The following ZCCHC7 variants were observed in gnomAD, a reference collection of about 807,000 sequenced individuals.
The protein encoded by ZCCHC7 is zinc finger CCHC domain-containing protein 7.
Under a neutral mutation model 52.0 loss-of-function variants are expected in ZCCHC7, and 35 were observed. The observed-to-expected ratio is 0.67, with a 90% CI of 0.51 to 0.89. The LOEUF is 0.89. Among genes scored for constraint, ZCCHC7 ranks in the 40% least tolerant of loss-of-function variants. The probability of loss-of-function intolerance (pLI) is 0.00; values close to 1 mark genes in which losing one functional copy is unlikely to be tolerated. For missense variants in ZCCHC7, 574 were observed against 649.1 expected (o/e 0.88, Z 1.26); for synonymous variants, 217 against 221.5 (o/e 0.98, Z 0.18).
intron 2 of ZCCHC7, among the ~76,000 whole-genome samples, chr9:37,237,445 C>G (rs1055500219): frequency 1.3e-5 from 2 of 152,184 alleles, no homozygotes; most frequent in Non-Finnish European, 2.9e-5. Context: ...GTTCTCCTTC[C>G]TTTCCTCCAT....
intron 2 of ZCCHC7, among the ~76,000 whole-genome samples, chr9:37,157,261 A>T (rs1356735290): frequency 6.6e-6 from 1 of 151,164 alleles, no homozygotes; most frequent in African/African-American, 2.4e-5. Context: ...ACATGGGAAG[A>T]TAAGGAGGGA....
intron 2 of ZCCHC7, among the ~76,000 whole-genome samples, chr9:37,196,862 T>C (rs1032261175): frequency 3.3e-5 from 5 of 152,146 alleles, no homozygotes; most frequent in African/African-American, 1.2e-4. Flanking sequence ...GCCTTCTCAG[T>C]AGAAATTAAA....
chr9:37,133,352 A>AT (rs1473223243), intron 2 of ZCCHC7, among the ~76,000 whole-genome samples: 1 of 149,760 alleles, frequency 6.7e-6, no homozygotes, highest in Non-Finnish European at 1.5e-5. Context: ...TAGACATGCA[A>AT]TTTTTTTTGG....
chr9:37,169,162 G>T (rs1821592873), intron 2 of ZCCHC7, among the ~76,000 whole-genome samples: 1 of 152,076 alleles, frequency 6.6e-6, no homozygotes, highest in Non-Finnish European at 1.5e-5. Flanking sequence ...AAAATACAGG[G>T]GTCATAGTCA....
chr9:37,274,220 A>G (rs372432224), intron 2 of ZCCHC7, among the ~76,000 whole-genome samples: 5 of 149,752 alleles, frequency 3.3e-5, no homozygotes, highest in African/African-American at 1.2e-4. Context: ...GTATATTTGA[A>G]TATGCATATA....
intron 2 of ZCCHC7, among the ~76,000 whole-genome samples, chr9:37,201,412 C>G (rs1192490143): frequency 6.6e-6 from 1 of 152,148 alleles, no homozygotes; most frequent in Admixed American, 6.5e-5. Context: ...TTTTCCATAT[C>G]TGAAGAACAG....
At chr9:37,177,016 AG>A (rs1364109901) in intron 2 of ZCCHC7, among the ~76,000 whole-genome samples, 1 of 152,180 alleles carries the variant, frequency 6.6e-6, no homozygotes, top group African/African-American at 2.4e-5. Context: ...GACAACAGAA[AG>A]TTGAGAGCTT....
intron 2 of ZCCHC7, among the ~76,000 whole-genome samples, chr9:37,132,344 T>G (rs1021509098): frequency 1.3e-5 from 2 of 152,204 alleles, no homozygotes; most frequent in African/African-American, 4.8e-5. Flanking sequence ...TAGCTCTTTC[T>G]TGTACTTTTT....
At chr9:37,138,682 C>T (rs1843095871) in intron 2 of ZCCHC7, among the ~76,000 whole-genome samples, 1 of 150,618 alleles carries the variant, frequency 6.6e-6, no homozygotes, top group Non-Finnish European at 1.5e-5. Context: ...TGTCACTCAC[C>T]TTATCTACAG....
intron 1 of ZCCHC7, among the ~76,000 whole-genome samples, chr9:37,122,714 C>T (rs1051836079): frequency 8.5e-5 from 13 of 152,166 alleles, no homozygotes; most frequent in Non-Finnish European, 1.8e-4. Context: ...CCGAGTGGGG[C>T]GGATCACGAG....
At position 37,345,017 on chromosome 9, in the gene ZCCHC7, T is replaced by C. The variant is rs74321674; in HGVS notation, c.988-4340T>C. Among the ~76,000 whole-genome samples the C allele has an allele frequency of 5.3e-3, 813 of 152,344 alleles. 7 individuals are homozygous for C. Among genetic ancestry groups the C allele is most frequent in the African/African-American group, 0.016 (671 of 41,584 alleles). On this transcript the variant is annotated intron_variant, in intron 6 of 8. Coordinates refer to ENST00000336755, the MANE Select transcript of ZCCHC7 (RefSeq NM_032226.3). ...CCTAGTTTCTAGGAAAAGTGACCTATGTTCTGTTCTTCAGCAGCTTTCTAC... is the reference window on the plus strand; with the variant it reads ...CCTAGTTTCTAGGAAAAGTGACCTACGTTCTGTTCTTCAGCAGCTTTCTAC...
chr9:37,196,100 A>C (rs1358514647), intron 2 of ZCCHC7, among the ~76,000 whole-genome samples: 1 of 152,226 alleles, frequency 6.6e-6, no homozygotes, highest in Non-Finnish European at 1.5e-5. Flanking sequence ...TGTCAGGCCC[A>C]GATATATAAA....
intron 2 of ZCCHC7, among the ~76,000 whole-genome samples, chr9:37,275,762 C>T (rs1195275199): frequency 6.6e-6 from 1 of 152,182 alleles, no homozygotes; most frequent in Non-Finnish European, 1.5e-5. Context: ...CCTGTCTCAG[C>T]GTCCCAAGTA....
chr9:37,188,154 A>G (rs1303555178), intron 2 of ZCCHC7, among the ~76,000 whole-genome samples: 1 of 151,452 alleles, frequency 6.6e-6, no homozygotes, highest in Non-Finnish European at 1.5e-5. Flanking sequence ...TTTTATTTTT[A>G]TTTTTTTGTT....
intron 2 of ZCCHC7, among the ~76,000 whole-genome samples, chr9:37,145,559 G>A (rs1203331663): frequency 2.0e-5 from 3 of 151,870 alleles, no homozygotes; most frequent in Non-Finnish European, 4.4e-5. Context: ...CTGGGATAAA[G>A]ATAGTTGTCA....
chr9:37,164,495 A>G (rs1362975968), intron 2 of ZCCHC7, among the ~76,000 whole-genome samples: 1 of 150,794 alleles, frequency 6.6e-6, no homozygotes, highest in Non-Finnish European at 1.5e-5. Flanking sequence ...ATAGATAGAT[A>G]GATAGACAGA....
intron 2 of ZCCHC7, among the ~76,000 whole-genome samples, chr9:37,213,588 G>A (rs1296385851): frequency 6.6e-6 from 1 of 152,050 alleles, no homozygotes; most frequent in African/African-American, 2.4e-5. Flanking sequence ...TTCATACTTA[G>A]TAAATGCATA....
chr9:37,211,628 TTTTATC>T (rs1165234015), intron 2 of ZCCHC7, among the ~76,000 whole-genome samples: 3 of 152,326 alleles, frequency 2.0e-5, no homozygotes, highest in Admixed American at 1.3e-4. Context: ...TGTGATATTA[TTTTATC>T]TTTAACATTT....
chr9:37,328,036 AT>A (rs1650784088), intron 6 of ZCCHC7, among the ~76,000 whole-genome samples: 1 of 151,932 alleles, frequency 6.6e-6, no homozygotes, highest in Admixed American at 6.6e-5. Context: ...AAAGAATTTG[AT>A]TTTTTTATTA....
Sources: allele counts gnomAD v4.1 joint callset (sites outside exome capture counted in the v4.1 genomes callset), GRCh38; gene constraint gnomAD v4.1.1; transcripts MANE v1.5; gene names NCBI Gene and HGNC (gene_info 2026-07-23, HGNC 2026-07-21).